RBFOX3: variants seen among roughly 807,000 people sequenced by gnomAD.
The protein encoded by RBFOX3 is RNA binding protein fox-1 homolog 3.
RBFOX3 carries 17 observed loss-of-function variants against 48.7 expected under a neutral mutation model. The ratio of observed to expected loss-of-function variants is 0.35; its 90% CI spans 0.24 to 0.52. The LOEUF (loss-of-function observed/expected upper bound fraction) is 0.52, where lower values mean the gene tolerates loss of function less well. RBFOX3 is among the 20% of genes least tolerant of loss of function. The pLI, the probability that RBFOX3 is intolerant of heterozygous loss-of-function variation, is 0.94. For synonymous variants in RBFOX3, 212 were observed against 209.5 expected, an observed-to-expected ratio of 1.01 and a Z score of -0.10; for missense variants, 382 against 497.5, an observed-to-expected ratio of 0.77 and a Z score of 2.21.
At chr17:79,297,788 G>A (rs1052380550) in intron 3 of RBFOX3, among the ~76,000 whole-genome samples, 2 of 152,228 alleles carry the variant, frequency 1.3e-5, no homozygotes, top group African/African-American at 4.8e-5. Flanking sequence ...CAGATGGGGT[G>A]ACTGAGGCAC....
In RBFOX3 at chr17:79,299,514, G is replaced by A. The variant is rs766837101; in HGVS notation, c.-74+8210C>T. On this transcript the variant is annotated intron_variant, in intron 3 of 14. Coordinates refer to ENST00000693108, the MANE Select transcript of RBFOX3 (RefSeq NM_001350451.2). The surrounding 1 kb of genome is among the most constrained non-coding windows in gnomAD (Gnocchi z 4.5). Reference sequence around the variant, plus strand: ...ATCTACATTGTATGAGGCCTTGTGCGTCACCTAGAGGTGATCTCCAGGGTA... The same window carrying A: ...ATCTACATTGTATGAGGCCTTGTGCATCACCTAGAGGTGATCTCCAGGGTA... Among the ~76,000 whole-genome samples, 16 of 152,346 alleles carry A rather than the reference G, an allele frequency of 1.1e-4. No individual in the cohort carries two copies. The highest frequency in any genetic ancestry group is 2.6e-4 in the African/African-American group (11 of 41,574).
intron 1 of RBFOX3, among the ~76,000 whole-genome samples, chr17:79,566,315 G>C (rs1003945186): frequency 6.6e-6 from 1 of 152,184 alleles, no homozygotes; most frequent in Admixed American, 6.5e-5. Flanking sequence ...GCTGGGCCTG[G>C]GGTCTCCACT....
intron 13 of RBFOX3, 87 bp downstream of exon 13, chr17:79,095,426 T>C: frequency 7.9e-7 from 1 of 1,259,018 alleles, no homozygotes; most frequent in African/African-American, 1.5e-5. Flanking sequence ...GGGTTACGCC[T>C]CCTGCCTGTC....
chr17:79,259,495 A>T (rs1235946711), intron 3 of RBFOX3, among the ~76,000 whole-genome samples: 2 of 152,226 alleles, frequency 1.3e-5, no homozygotes, highest in African/African-American at 2.4e-5. Context: ...GTTCCTGAGA[A>T]GACAAGCTGC....
intron 1 of RBFOX3, among the ~76,000 whole-genome samples, chr17:79,493,567 G>A (rs908876950): frequency 6.6e-6 from 1 of 152,080 alleles, no homozygotes; most frequent in Admixed American, 6.5e-5. Context: ...GGCCTTCCCT[G>A]ACCACCCATG....
At chr17:79,358,441 T>A (rs867991376) in intron 2 of RBFOX3, among the ~76,000 whole-genome samples, 1 of 152,116 alleles carries the variant, frequency 6.6e-6, no homozygotes, top group Non-Finnish European at 1.5e-5. Flanking sequence ...AAGTCTACAC[T>A]TCCTCTCATT....
At chr17:79,183,246 G>C (rs1012621160) in intron 4 of RBFOX3, 1 of 151,674 alleles carries the variant, frequency 6.6e-6, no homozygotes, top group African/African-American at 2.4e-5. Flanking sequence ...GGCCGGGGCC[G>C]GGCGGGGGGC....
intron 1 of RBFOX3, among the ~76,000 whole-genome samples, chr17:79,521,612 C>T (rs1450474728): frequency 1.3e-5 from 2 of 148,722 alleles, no homozygotes; most frequent in African/African-American, 5.2e-5. Context: ...CACGTGTAGA[C>T]ACACACACAG....
At chr17:79,627,784 C>T in the RBFOX3 span, among the ~76,000 whole-genome samples, 1 of 144,242 alleles carries the variant, frequency 6.9e-6, no homozygotes, top group Admixed American at 7.0e-5. Context: ...AATAACTCTT[C>T]TTCCTCCCTC....
chr17:79,386,639 C>G (rs1830178971), intron 2 of RBFOX3, among the ~76,000 whole-genome samples: 1 of 152,238 alleles, frequency 6.6e-6, no homozygotes, highest in Admixed American at 6.5e-5. Flanking sequence ...GAGCTCCCGG[C>G]CAACAACCAC....
chr17:79,244,798 TTCCC>T (rs2062916439), intron 3 of RBFOX3, among the ~76,000 whole-genome samples: 1 of 146,404 alleles, frequency 6.8e-6, no homozygotes, highest in African/African-American at 2.5e-5. Flanking sequence ...CCTTCCTTCC[TTCCC>T]CCTCTCCTTT....
At chr17:79,574,261 T>G (rs2092783281) in intron 1 of RBFOX3, among the ~76,000 whole-genome samples, 1 of 152,208 alleles carries the variant, frequency 6.6e-6, no homozygotes, top group South Asian at 2.1e-4. Context: ...GGCTGAGGCC[T>G]GCTGGACTGC....
chr17:79,188,597 C>T (rs978291987), intron 4 of RBFOX3, among the ~76,000 whole-genome samples: 1 of 152,170 alleles, frequency 6.6e-6, no homozygotes, highest in Non-Finnish European at 1.5e-5. Context: ...CTTGCAAGTT[C>T]CTCTCCCCTC....
intron 2 of RBFOX3, among the ~76,000 whole-genome samples, chr17:79,465,950 G>C: frequency 6.6e-6 from 1 of 152,230 alleles, no homozygotes; most frequent in East Asian, 1.9e-4. Flanking sequence ...CTCTCCCTGA[G>C]CAAAGCTTCT....
chr17:79,662,846 A>G, the RBFOX3 span, among the ~76,000 whole-genome samples: 1 of 152,304 alleles, frequency 6.6e-6, no homozygotes. Flanking sequence ...GAAACCAGGT[A>G]ACAGGCCTGA....
intron 1 of RBFOX3, among the ~76,000 whole-genome samples, chr17:79,516,391 G>A (rs1568370504): frequency 1.3e-5 from 2 of 152,152 alleles, no homozygotes; most frequent in African/African-American, 4.8e-5. Context: ...CCCTGCCCTG[G>A]AGAACCAGGA....
intron 4 of RBFOX3, among the ~76,000 whole-genome samples, chr17:79,221,724 C>T (rs1277945386): frequency 6.6e-6 from 1 of 152,162 alleles, no homozygotes; most frequent in African/African-American, 2.4e-5. Flanking sequence ...GGAGGGCTCG[C>T]TGGGAAGGAG....
chr17:79,521,646 CAGAT>C (rs1329666843), intron 1 of RBFOX3, among the ~76,000 whole-genome samples: 2 of 152,114 alleles, frequency 1.3e-5, no homozygotes, highest in Non-Finnish European at 2.9e-5. Flanking sequence ...CACTCACACA[CAGAT>C]ACATTCATGC....
chr17:79,642,972 C>T, the RBFOX3 span, among the ~76,000 whole-genome samples: 1 of 152,128 alleles, frequency 6.6e-6, no homozygotes. Flanking sequence ...CATAGTGGTG[C>T]ACTCCTATAG....
Sources: gnomAD v4.1 joint callset for allele counts (sites outside exome capture counted in the v4.1 genomes callset) on GRCh38, gnomAD v4.1.1 for gene constraint, Gnocchi (gnomAD v3.1) non-coding constraint, MANE v1.5 for transcripts, NCBI Gene and HGNC (gene_info 2026-07-23, HGNC 2026-07-21) for gene names.